MAT2B: variants seen among roughly 807,000 people sequenced by gnomAD.
MAT2B encodes methionine adenosyltransferase 2 subunit beta.
Under a neutral mutation model 36.1 loss-of-function variants are expected in MAT2B, and 16 were observed. The ratio of observed to expected loss-of-function variants is 0.44; its 90% CI spans 0.30 to 0.67. The LOEUF is 0.67. MAT2B is among the 30% of genes least tolerant of loss of function. The pLI is 0.09. For synonymous variants in MAT2B, 148 were observed against 136.9 expected (o/e 1.08, Z -0.57); for missense variants, 332 against 398.2 (o/e 0.83, Z 1.42).
intron 1 of MAT2B, among the ~76,000 whole-genome samples, chr5:163,511,166 AATAGG>A: frequency 6.6e-6 from 1 of 152,350 alleles, no homozygotes; most frequent in Middle Eastern, 3.4e-3. Flanking sequence ...CAATCATAAA[AATAGG>A]ATTTTCTGTT....
upstream of MAT2B, chr5:163,505,441 T>G: frequency 1.0e-6 from 1 of 987,556 alleles, no homozygotes; most frequent in Non-Finnish European, 1.3e-6. Context: ...GGCCTTTCTT[T>G]TGTGTGTCGC....
rs976727396 is a variant in MAT2B at position 163,517,794 on chromosome 5, A to G, written c.834+120A>G. 6.9e-5 allele frequency: 42 copies of G among 612,864 alleles called. 1 individual carries two copies. In the Middle Eastern group the frequency reaches 8.0e-4, roughly 12 times the overall value. 38.0% of individuals were successfully genotyped at this position (612,864 alleles called of 1,614,324 possible). ...AACTTTGCTTGTATGCTGGCTGTTCATAGTGCTACTTTTCTCTAAATTATC... is the reference window on the plus strand; with the variant it reads ...AACTTTGCTTGTATGCTGGCTGTTCGTAGTGCTACTTTTCTCTAAATTATC... On this transcript the variant is annotated intron_variant, in intron 6 of 6. Coordinates refer to ENST00000321757, the MANE Select transcript of MAT2B (RefSeq NM_013283.5).
chr5:163,518,104 A>T (rs1760160154), intron 6 of MAT2B, 89 bp from the exon 7 acceptor site: 2 of 866,150 alleles, frequency 2.3e-6, no homozygotes, highest in South Asian at 3.9e-5. Context: ...AAATATATAC[A>T]TATTTAAAAA....
chr5:163,512,827 T>C, intron 2 of MAT2B: 1 of 352,826 alleles, frequency 2.8e-6, no homozygotes, highest in Middle Eastern at 8.3e-4. Context: ...ACTACAGGCA[T>C]GCGCAACCAC....
chr5:163,507,154 A>G (rs576766153), intron 1 of MAT2B, among the ~76,000 whole-genome samples: 3 of 152,258 alleles, frequency 2.0e-5, no homozygotes, highest in South Asian at 2.1e-4. Flanking sequence ...TAAAGTTTCC[A>G]AAAACGACAA....
In MAT2B at chr5:163,519,284, T is replaced by C. The variant is rs1760183682; in HGVS notation, c.*921T>C. 1 of 151,876 alleles carries C rather than the reference T, an allele frequency of 6.6e-6. No homozygotes were observed. Among genetic ancestry groups the C allele is most frequent in the Non-Finnish European group, 1.5e-5 (1 of 67,864 alleles). 9.4% of individuals were successfully genotyped at this position (151,876 alleles called of 1,614,324 possible). On this transcript the variant is annotated 3_prime_UTR_variant, in exon 7 of 7. Transcript: ENST00000321757. The stretch of plus-strand genomic sequence containing the variant: ...AACATGTGATACATACAAAAGAATA[T>C]AGTTTAATATGTATTGAAATAAAAC...
upstream of MAT2B, among the ~76,000 whole-genome samples, chr5:163,504,403 C>T (rs1561654363): frequency 6.6e-6 from 1 of 151,796 alleles, no homozygotes; most frequent in Non-Finnish European, 1.5e-5. Flanking sequence ...TTTATGTTTA[C>T]ACGAATAAGG....
At chr5:163,516,761 T>C in intron 5 of MAT2B, 50 bp downstream of exon 5, 1 of 1,598,276 alleles carries the variant, frequency 6.3e-7, no homozygotes, top group Non-Finnish European at 8.6e-7. Flanking sequence ...CTTTGTCTTT[T>C]CCATGCTTGA....
In MAT2B at chr5:163,518,486, A is replaced by G; in HGVS notation, c.*123A>G. 1 of 743,216 alleles carries G rather than the reference A, an allele frequency of 1.3e-6. No homozygotes were observed. The highest frequency in any genetic ancestry group is 2.1e-6 in the Non-Finnish European group (1 of 486,332). 46.0% of individuals were successfully genotyped at this position (743,216 alleles called of 1,614,324 possible). ...TTGTGACTCTTAGGATCTTTCAGGT[A>G]AATGATGCTCTTGCACTAGTGAAAT... On this transcript the variant is annotated 3_prime_UTR_variant, in exon 7 of 7. Coordinates refer to ENST00000321757, the MANE Select transcript of MAT2B (RefSeq NM_013283.5).
intron 2 of MAT2B, chr5:163,512,888 CCAGGCTGGTCTTGAA>C: frequency 3.4e-6 from 1 of 291,854 alleles, no homozygotes; most frequent in Non-Finnish European, 6.7e-6. Context: ...ACCATGTTGG[CCAGGCTGGTCTTGAA>C]CTCCTGACCT....
Position 163,510,239 on chromosome 5 carries a change from C to T in MAT2B, c.64-1763C>T, listed in dbSNP as rs191460449. Reference sequence around the variant, plus strand: ...TGTTACCCATCTTGGGAAGAAGGGACATTTTTGGAACTATGCTTGGAAACA... The same window carrying T: ...TGTTACCCATCTTGGGAAGAAGGGATATTTTTGGAACTATGCTTGGAAACA... On this transcript the variant is annotated intron_variant, in intron 1 of 6. Coordinates refer to ENST00000321757, the MANE Select transcript of MAT2B (RefSeq NM_013283.5). Among the ~76,000 whole-genome samples the T allele has an allele frequency of 4.7e-4, 71 of 152,228 alleles. 1 individual carries two copies. The highest frequency in any genetic ancestry group is 2.3e-3 in the Admixed American group (35 of 15,288).
chr5:163,509,856 T>G (rs1036966343), intron 1 of MAT2B, among the ~76,000 whole-genome samples: 1 of 152,240 alleles, frequency 6.6e-6, no homozygotes, highest in East Asian at 1.9e-4. Context: ...AGCCAAGTTT[T>G]GCAACACAGC....
chr5:163,514,137 TAAA>T lies in MAT2B; in HGVS notation c.526+147_526+149del, dbSNP rs1279950071. 3 of 594,072 alleles carry T rather than the reference TAAA, an allele frequency of 5.0e-6. No homozygotes were observed. The Admixed American group carries it at 1.2e-4, about 23-fold the overall frequency. 36.8% of individuals were successfully genotyped at this position (594,072 alleles called of 1,614,324 possible). On this transcript the variant is annotated intron_variant, in intron 4 of 6. Coordinates refer to ENST00000321757, the MANE Select transcript of MAT2B (RefSeq NM_013283.5). Reference sequence around the variant, plus strand: ...ATTAGAATATAGTTAATAAAGAAAATAAAAAATTCTAAGAGATAACTACTTTGT... The same window carrying T: ...ATTAGAATATAGTTAATAAAGAAAATAAATTCTAAGAGATAACTACTTTGT...
chr5:163,508,389 C>T (rs11952717), intron 1 of MAT2B, among the ~76,000 whole-genome samples: 5,669 of 151,822 alleles, frequency 0.037, 360 homozygotes, highest in African/African-American at 0.13. Context: ...AGGCGCCCAC[C>T]ACCATGCCCG....
chr5:163,508,533 C>T (rs1019461674), intron 1 of MAT2B, among the ~76,000 whole-genome samples: 1 of 151,984 alleles, frequency 6.6e-6, no homozygotes, highest in Admixed American at 6.6e-5. Context: ...CCCTGGCACC[C>T]GGCCTCAAAC....
At chr5:163,503,768 A>G (rs561808320), upstream of MAT2B, among the ~76,000 whole-genome samples, 1 of 152,310 alleles carries the variant, frequency 6.6e-6, no homozygotes, top group South Asian at 2.1e-4. Flanking sequence ...TCTTTGTATG[A>G]ATTGAATCTG....
At chr5:163,512,271 C>G in intron 2 of MAT2B, 75 bp downstream of exon 2, 1 of 1,267,302 alleles carries the variant, frequency 7.9e-7, no homozygotes, top group Admixed American at 1.7e-5. Flanking sequence ...ACTATCCTTG[C>G]TCTCAAGGAA....
upstream of MAT2B, chr5:163,503,534 C>T (rs1201081245): frequency 3.0e-6 from 3 of 1,008,742 alleles, no homozygotes; most frequent in African/African-American, 1.6e-5. Context: ...AAAATAGAAA[C>T]GGGTGTCATT....
intron 1 of MAT2B, among the ~76,000 whole-genome samples, chr5:163,509,030 A>T (rs1759993696): frequency 6.6e-6 from 1 of 152,176 alleles, no homozygotes; most frequent in African/African-American, 2.4e-5. Flanking sequence ...TATTCCCTAA[A>T]GAGCCTTGTT....
Sources: gnomAD v4.1 joint callset for allele counts (sites outside exome capture counted in the v4.1 genomes callset) on GRCh38, gnomAD v4.1.1 for gene constraint, MANE v1.5 for transcripts, NCBI Gene and HGNC (gene_info 2026-07-23, HGNC 2026-07-21) for gene names.